Variants in NEDD4L observed in about 807,000 individuals in gnomAD.
NEDD4L encodes NEDD4 like E3 ubiquitin protein ligase.
NEDD4L carries 54 observed loss-of-function variants against 148.9 expected under a neutral mutation model. The ratio of observed to expected loss-of-function variants is 0.36; its 90% CI spans 0.29 to 0.45. The LOEUF is 0.45. Ranked by LOEUF, NEDD4L falls within the 20% of genes least tolerant of loss-of-function variation. NEDD4L has a pLI of 1.00. For missense variants in NEDD4L, 856 were observed against 1,233.8 expected (o/e 0.69, Z 4.59); for synonymous variants, 433 against 440.7 (o/e 0.98, Z 0.22).
Position 58,256,833 on chromosome 18 carries a change from G to A in NEDD4L, c.297+4779G>A. The A allele has an allele frequency of 4.1e-6, 5 of 1,216,480 alleles. No individual in the cohort carries two copies. The highest frequency in any genetic ancestry group is 1.6e-5 in the African/African-American group (1 of 64,146). 75.4% of individuals were successfully genotyped at this position (1,216,480 alleles called of 1,614,324 possible). On this transcript the variant is annotated intron_variant, in intron 5 of 30. Coordinates refer to ENST00000400345, the MANE Select transcript of NEDD4L (RefSeq NM_001144967.3). This position sits in a 1 kb window ranked among gnomAD's most constrained non-coding sequence, Gnocchi z 5.2. Reference sequence around the variant, plus strand: ...ATTTCAACTTCGATGCTTACTCTGCGGCGTAACCAAAATAAAACCTCACCC... The same window carrying A: ...ATTTCAACTTCGATGCTTACTCTGCAGCGTAACCAAAATAAAACCTCACCC...
At chr18:58,264,792 G>A (rs530117554) in intron 5 of NEDD4L, among the ~76,000 whole-genome samples, 3 of 152,002 alleles carry the variant, frequency 2.0e-5, no homozygotes, top group Non-Finnish European at 4.4e-5. Context: ...TCATCTGACC[G>A]TATTTTCGTA....
At chr18:58,068,911 C>T (rs1284240340) in intron 1 of NEDD4L, among the ~76,000 whole-genome samples, 1 of 152,020 alleles carries the variant, frequency 6.6e-6, no homozygotes, top group African/African-American at 2.4e-5. Context: ...CTGAGGCAGG[C>T]AGATCATTTG....
At chr18:58,291,084 G>A (rs1330203702) in intron 5 of NEDD4L, among the ~76,000 whole-genome samples, 27 of 117,248 alleles carry the variant, frequency 2.3e-4, no homozygotes, top group South Asian at 5.8e-4. Context: ...AGGCCGACCG[G>A]CCCACATGGT....
rs987529449 is a variant in NEDD4L at position 58,358,373 on chromosome 18, G to GAT, written c.1767+1132_1767+1133dup. ...CTGCCTTACTCTGATGCTTCCTTTT[G>GAT]ATATATATATATTCGCAGTCACAGT... On this transcript the variant is annotated intron_variant, in intron 19 of 30. Transcript: ENST00000400345. Among the ~76,000 whole-genome samples the GAT allele has an allele frequency of 1.6e-4, 24 of 151,896 alleles. No homozygotes were observed. In the South Asian group the frequency reaches 1.9e-3, roughly 12 times the overall value.
chr18:58,328,488 C>T (rs1368154720), intron 9 of NEDD4L, among the ~76,000 whole-genome samples: 5 of 152,158 alleles, frequency 3.3e-5, no homozygotes, highest in Admixed American at 6.5e-5. Flanking sequence ...GAAAAAAATT[C>T]ATGTTGGATC....
At chr18:58,250,213 A>G (rs1033546572) in intron 4 of NEDD4L, among the ~76,000 whole-genome samples, 16 of 151,274 alleles carry the variant, frequency 1.1e-4, no homozygotes, top group African/African-American at 3.9e-4. Context: ...GCAGTGGCAC[A>G]ATCTTAGCTC....
At position 58,047,260 on chromosome 18, in the gene NEDD4L, A is replaced by G. The variant is rs565022079; in HGVS notation, c.48+2552A>G. 3.0e-6 allele frequency: 3 copies of G among 985,054 alleles called. 1 individual carries two copies. In the Admixed American group the frequency reaches 1.8e-4, roughly 60 times the overall value. The allele number at this position is 985,054 out of a possible 1,614,324, so 61.0% of individuals were successfully genotyped here. A position where few individuals can be genotyped will look rare whatever the true frequency, so the allele number is the denominator to read the frequency against. On this transcript the variant is annotated intron_variant, in intron 1 of 30. Transcript: ENST00000400345. ...GCTATTTAGAAGAGTGACCTCATAA[A>G]TCTTTTAGCAAAGTAGACACACATA...
In NEDD4L at chr18:58,220,631, T is replaced by G. The variant is rs530375751; in HGVS notation, c.123-24796T>G. Among the ~76,000 whole-genome samples the G allele has an allele frequency of 1.4e-4, 21 of 152,294 alleles. No individual in the cohort carries two copies. The South Asian group carries it at 3.9e-3, about 29-fold the overall frequency. On this transcript the variant is annotated intron_variant, in intron 2 of 30. Coordinates refer to ENST00000400345, the MANE Select transcript of NEDD4L (RefSeq NM_001144967.3). ...TTCTCAGCTGAGATGCCAGGAACAC[T>G]TCGCGAGTGAGCATGCCACCACATT...
intron 1 of NEDD4L, among the ~76,000 whole-genome samples, chr18:58,145,170 C>A (rs1020138566): frequency 5.9e-5 from 9 of 152,180 alleles, no homozygotes; most frequent in Non-Finnish European, 1.2e-4. Context: ...CCTACCAGGG[C>A]CCCCTCTCAT....
chr18:58,285,103 G>A (rs1390091437), intron 5 of NEDD4L, among the ~76,000 whole-genome samples: 1 of 152,232 alleles, frequency 6.6e-6, no homozygotes. Flanking sequence ...TGCCAGAGAA[G>A]AAGAGGTGCT....
intron 24 of NEDD4L, among the ~76,000 whole-genome samples, chr18:58,375,620 G>A (rs536329483): frequency 2.6e-5 from 4 of 151,938 alleles, no homozygotes; most frequent in African/African-American, 4.8e-5. Context: ...ACTCTGTACC[G>A]ATGCATTCTC....
chr18:58,151,658 T>TGTGTGTGTGTGTGTGTG (rs60365242), intron 1 of NEDD4L, among the ~76,000 whole-genome samples: 71 of 151,102 alleles, frequency 4.7e-4, no homozygotes, highest in Admixed American at 7.3e-4. Context: ...TGTGTGTGTG[T>TGTGTGTGTGTGTGTGTG]TGGCTGGAGA....
At chr18:58,234,141 C>A (rs1283110783) in intron 2 of NEDD4L, among the ~76,000 whole-genome samples, 1 of 138,362 alleles carries the variant, frequency 7.2e-6, no homozygotes, top group African/African-American at 2.9e-5. Flanking sequence ...TTCTTTCTTT[C>A]TCTCTCTCTT....
At chr18:58,245,596 C>A in intron 3 of NEDD4L, 88 bp downstream of exon 3, 4 of 595,874 alleles carry the variant, frequency 6.7e-6, no homozygotes, top group South Asian at 2.4e-5. Flanking sequence ...CCTTTTTGGT[C>A]AAGGATGGAC....
At chr18:58,362,241 T>C (rs1033967047) in intron 19 of NEDD4L, among the ~76,000 whole-genome samples, 2 of 152,258 alleles carry the variant, frequency 1.3e-5, no homozygotes, top group Non-Finnish European at 2.9e-5. Context: ...ACAGTCGAAC[T>C]TGCATACACA....
In NEDD4L at chr18:58,325,167, G is replaced by GTACC. The variant is rs2059198232; in HGVS notation, c.680+6_680+9dup. 1 of 1,613,544 alleles carries GTACC rather than the reference G, an allele frequency of 6.2e-7. No homozygotes were observed. The highest frequency in any genetic ancestry group is 1.3e-5 in the African/African-American group (1 of 74,938). On this transcript the variant is annotated splice_donor_region_variant and intron_variant, in intron 9 of 30. Transcript: ENST00000400345. The stretch of plus-strand genomic sequence containing the variant: ...GTGGCACAGACCAAGCCTGATGTGA[G>GTACC]TACCGTGTGATGGTCAGGAACACGT...
At chr18:58,304,825 T>A (rs896198400) in intron 5 of NEDD4L, among the ~76,000 whole-genome samples, 1 of 152,204 alleles carries the variant, frequency 6.6e-6, no homozygotes, top group Non-Finnish European at 1.5e-5. Context: ...AAGCCTAAGA[T>A]GTATGTTGCA....
At position 58,343,758 on chromosome 18, in the gene NEDD4L, T is replaced by G. The variant is rs563486485; in HGVS notation, c.1575+655T>G. On this transcript the variant is annotated intron_variant, in intron 16 of 30. Transcript: ENST00000400345. ...TTGTATTATCTTGAGCAAAATGAGA[T>G]TAATCAAAGGCAAATATGCATATCT... is the stretch of plus-strand genomic sequence containing the variant. Among the ~76,000 whole-genome samples the G allele has an allele frequency of 9.8e-5, 15 of 152,362 alleles. No homozygotes were observed. In the East Asian group the frequency reaches 2.9e-3, roughly 29 times the overall value.
chr18:58,314,851 C>T (rs376230232), intron 5 of NEDD4L, among the ~76,000 whole-genome samples: 13 of 152,266 alleles, frequency 8.5e-5, no homozygotes, highest in Non-Finnish European at 1.6e-4. Flanking sequence ...GGAATTCCTA[C>T]GCTTGGAGCA....
Sources: allele counts gnomAD v4.1 joint callset (sites outside exome capture counted in the v4.1 genomes callset), GRCh38; gene constraint gnomAD v4.1.1; non-coding constraint Gnocchi (gnomAD v3.1); transcripts MANE v1.5; gene names NCBI Gene and HGNC (gene_info 2026-07-23, HGNC 2026-07-21).